Variants in GABRG3 observed in about 807,000 individuals in gnomAD.
GABRG3 encodes the protein gamma-aminobutyric acid type A receptor subunit gamma3, also known as gamma-aminobutyric acid receptor subunit gamma-3.
Under a neutral mutation model 48.8 loss-of-function variants are expected in GABRG3, and 25 were observed. That is an observed-to-expected ratio of 0.51 (90% CI 0.37 to 0.72). The LOEUF is 0.72. GABRG3 is among the 30% of genes least tolerant of loss of function. GABRG3 has a pLI of 0.00. For synonymous variants in GABRG3, 227 were observed against 217.6 expected, an observed-to-expected ratio of 1.04 and a Z score of -0.38; for missense variants, 394 against 577.9, an observed-to-expected ratio of 0.68 and a Z score of 3.26.
rs199594366 is a variant in GABRG3 at position 27,306,362 on chromosome 15, CATATAT to C, written c.271-20443_271-20438del. On this transcript the variant is annotated intron_variant, in intron 3 of 9. Coordinates refer to ENST00000615808, the MANE Select transcript of GABRG3 (RefSeq NM_033223.5). ...AAATATAAACATGTCTACATATAAACATATATATAATATAAACATGTCTACATGTAA... is the reference window on the plus strand; with the variant it reads ...AAATATAAACATGTCTACATATAAACATAATATAAACATGTCTACATGTAA... 2.2e-5 allele frequency among the ~76,000 whole-genome samples: 3 copies of C among 135,980 alleles called. 1 individual carries two copies. The highest frequency in any genetic ancestry group is 8.2e-5 in the African/African-American group (3 of 36,712). The allele number at this position is 135,980 out of a possible 152,430, so 89.2% of individuals were successfully genotyped here.
At chr15:27,228,612 C>G (rs1889700698) in intron 3 of GABRG3, among the ~76,000 whole-genome samples, 1 of 152,176 alleles carries the variant, frequency 6.6e-6, no homozygotes, top group African/African-American at 2.4e-5. Context: ...AATGGTCGTT[C>G]TGCTTTTAGC....
chr15:27,280,709 A>C (rs141138773), intron 3 of GABRG3, among the ~76,000 whole-genome samples: 38 of 152,306 alleles, frequency 2.5e-4, no homozygotes, highest in African/African-American at 8.9e-4. Flanking sequence ...TATGGTTTCA[A>C]TTCTTTTAAA....
At chr15:27,230,617 T>C (rs1303592966) in intron 3 of GABRG3, among the ~76,000 whole-genome samples, 2 of 152,186 alleles carry the variant, frequency 1.3e-5, no homozygotes, top group Non-Finnish European at 2.9e-5. Context: ...TTTTAAACCA[T>C]TTGCTTATGG....
At chr15:27,083,256 T>G (rs570729662) in intron 3 of GABRG3, among the ~76,000 whole-genome samples, 19 of 152,264 alleles carry the variant, frequency 1.2e-4, no homozygotes, top group African/African-American at 4.6e-4. Flanking sequence ...TTTTCCTGAC[T>G]TTCATTCAGA....
At chr15:27,000,479 T>C (rs551926650) in intron 2 of GABRG3, among the ~76,000 whole-genome samples, 38 of 152,308 alleles carry the variant, frequency 2.5e-4, no homozygotes, top group African/African-American at 7.9e-4. Context: ...CATATTCAAT[T>C]GTAATTCCCA....
At chr15:27,165,369 C>T (rs532945586) in intron 3 of GABRG3, among the ~76,000 whole-genome samples, 1 of 152,196 alleles carries the variant, frequency 6.6e-6, no homozygotes, top group Admixed American at 6.5e-5. Flanking sequence ...ATGACAAAGC[C>T]TCTGTGTCAG....
intron 2 of GABRG3, among the ~76,000 whole-genome samples, chr15:26,995,954 T>C (rs970640183): frequency 1.3e-5 from 2 of 152,178 alleles, no homozygotes; most frequent in African/African-American, 4.8e-5. Flanking sequence ...GGTCATTATC[T>C]GCTCCAATGC....
At chr15:26,977,685 A>G (rs184146388) in intron 2 of GABRG3, among the ~76,000 whole-genome samples, 5 of 152,252 alleles carry the variant, frequency 3.3e-5, no homozygotes, top group Admixed American at 3.3e-4. Context: ...ATGGTTGTTC[A>G]TGGTATGAGT....
chr15:27,026,764 C>T lies in GABRG3; in HGVS notation c.213C>T (p.Thr71=), dbSNP rs78696441. The change falls in exon 3 of 10, where the codon ACC becomes ACT. Residue 71 remains threonine, a synonymous_variant. Coordinates refer to ENST00000615808, the MANE Select transcript of GABRG3 (RefSeq NM_033223.5). ...TATTTTTCTCCACAGTAAAACCGAC[C>T]GTAATTGACGTTGACATTTATGTTA... ...KLRPDIGIKP[T]VIDVDIYVNS... The T allele has an allele frequency of 3.4e-5, 55 of 1,610,792 alleles. 2 individuals are homozygous for T. The highest frequency in any genetic ancestry group is 1.7e-4 in the South Asian group (15 of 90,280).
intron 7 of GABRG3, among the ~76,000 whole-genome samples, chr15:27,527,030 A>G (rs1891294596): frequency 1.3e-5 from 2 of 152,188 alleles, no homozygotes; most frequent in South Asian, 4.1e-4. Context: ...GTCTTCAAGA[A>G]TAGTGAGGGT....
chr15:27,002,763 AG>A (rs71285061), intron 2 of GABRG3, among the ~76,000 whole-genome samples: 23 of 120,988 alleles, frequency 1.9e-4, no homozygotes, highest in Middle Eastern at 4.3e-3. Context: ...AAAAAAAAAA[AG>A]GAAGGAAGGA....
chr15:27,157,274 A>T (rs1898456003), intron 3 of GABRG3, among the ~76,000 whole-genome samples: 1 of 152,218 alleles, frequency 6.6e-6, no homozygotes, highest in African/African-American at 2.4e-5. Context: ...GCGTTAAACA[A>T]ATCCTTAGGG....
chr15:27,343,051 G>C (rs1296844904), intron 5 of GABRG3, among the ~76,000 whole-genome samples: 1 of 152,178 alleles, frequency 6.6e-6, no homozygotes. Context: ...GACCCTACCT[G>C]TCTACTCTAA....
rs554870421 is a variant in GABRG3 at position 27,460,821 on chromosome 15, T to C, written c.575-19829T>C. ...GTCAGAGTGCAGCCCTCAGCTCCTGTCCCTGAGGTCTGCCTTCCAGCCCAT... is the reference window on the plus strand; with the variant it reads ...GTCAGAGTGCAGCCCTCAGCTCCTGCCCCTGAGGTCTGCCTTCCAGCCCAT... On this transcript the variant is annotated intron_variant, in intron 5 of 9. Transcript: ENST00000615808. Among the ~76,000 whole-genome samples, 3 of 152,234 alleles carry C rather than the reference T, an allele frequency of 2.0e-5. No homozygotes were observed. In the East Asian group the frequency reaches 5.8e-4, roughly 29 times the overall value.
At chr15:27,145,508 T>G (rs1329002022) in intron 3 of GABRG3, among the ~76,000 whole-genome samples, 3 of 152,024 alleles carry the variant, frequency 2.0e-5, no homozygotes, top group African/African-American at 7.2e-5. Flanking sequence ...TTATCCAGTC[T>G]CAGCAACATA....
At chr15:27,280,032 A>C (rs1363532968) in intron 3 of GABRG3, among the ~76,000 whole-genome samples, 2 of 152,186 alleles carry the variant, frequency 1.3e-5, no homozygotes, top group South Asian at 4.1e-4. Flanking sequence ...TTTGTTATTT[A>C]TATTGCATTC....
chr15:27,001,094 G>A (rs1566905065), intron 2 of GABRG3, among the ~76,000 whole-genome samples: 1 of 152,212 alleles, frequency 6.6e-6, no homozygotes, highest in Admixed American at 6.5e-5. Context: ...CTCTTTCAAG[G>A]CCCTAAGCTG....
chr15:27,408,311 CA>C (rs1887698501), intron 5 of GABRG3, among the ~76,000 whole-genome samples: 2 of 152,218 alleles, frequency 1.3e-5, no homozygotes, highest in Admixed American at 1.3e-4. Context: ...TAAGAGCCCC[CA>C]GATGTATTGA....
intron 5 of GABRG3, among the ~76,000 whole-genome samples, chr15:27,441,567 G>A (rs768027341): frequency 6.6e-5 from 10 of 152,186 alleles, no homozygotes; most frequent in Non-Finnish European, 1.0e-4. Flanking sequence ...TGGCATCACA[G>A]AGCAATTCCT....
Sources: allele counts gnomAD v4.1 joint callset (sites outside exome capture counted in the v4.1 genomes callset), GRCh38; gene constraint gnomAD v4.1.1; transcripts MANE v1.5; gene names NCBI Gene and HGNC (gene_info 2026-07-23, HGNC 2026-07-21).